Variants in TATDN2 observed in about 807,000 individuals in gnomAD.
TATDN2 encodes TatD DNase domain containing 2.
Under a neutral mutation model 60.3 loss-of-function variants are expected in TATDN2, and 44 were observed. That is an observed-to-expected ratio of 0.73 (90% CI 0.57 to 0.94). TATDN2 has a LOEUF of 0.94. Ranked by LOEUF, TATDN2 falls within the 40% of genes least tolerant of loss-of-function variation. TATDN2 has a pLI of 0.00. For missense variants in TATDN2, 997 were observed against 948.0 expected, an observed-to-expected ratio of 1.05 and a Z score of -0.68; for synonymous variants, 399 against 355.8, an observed-to-expected ratio of 1.12 and a Z score of -1.37.
chr3:10,265,405 G>T (rs1698463261), intron 3 of TATDN2, among the ~76,000 whole-genome samples: 2 of 145,758 alleles, frequency 1.4e-5, no homozygotes, highest in African/African-American at 5.0e-5. Context: ...AATTTTAGCT[G>T]GGCGTGGGGC....
In TATDN2 at chr3:10,260,117, T is replaced by C. The variant is rs199732411; in HGVS notation, c.415-20T>C. ...AGTGCCCTTGGAACAGCCCTTTCAATTCTGTTTTTTTTTTCCCAGGTTGAT... is the reference window on the plus strand; with the variant it reads ...AGTGCCCTTGGAACAGCCCTTTCAACTCTGTTTTTTTTTTCCCAGGTTGAT... On this transcript the variant is annotated intron_variant, in intron 2 of 7. Transcript: ENST00000448281. The C allele has an allele frequency of 6.3e-7, 1 of 1,591,450 alleles. No individual in the cohort carries two copies. The highest frequency in any genetic ancestry group is 2.2e-5 in the East Asian group (1 of 44,768).
chr3:10,269,920 A>T (rs541436252), intron 3 of TATDN2, among the ~76,000 whole-genome samples: 1 of 152,136 alleles, frequency 6.6e-6, no homozygotes, highest in South Asian at 2.1e-4. Flanking sequence ...CCTGAACCCA[A>T]TACAGCTGTT....
intron 4 of TATDN2, 47 bp downstream of exon 4, chr3:10,271,062 AGTT>A (rs759034617): frequency 1.3e-6 from 2 of 1,500,020 alleles, no homozygotes; most frequent in Non-Finnish European, 1.8e-6. Flanking sequence ...TTTTTCTTTT[AGTT>A]GTTGAAGCCT....
At chr3:10,260,769 GTACTT>G (rs1698390518) in intron 3 of TATDN2, 99 bp downstream of exon 3, 11 of 1,397,134 alleles carry the variant, frequency 7.9e-6, no homozygotes, top group East Asian at 4.6e-5. Context: ...ATTAAAAATA[GTACTT>G]TACTTAACCA....
rs780918628 is a variant in TATDN2 at position 10,249,252 on chromosome 3, G to A, written c.52G>A (p.Gly18Arg). The change falls in exon 2 of 8, where the codon GGG (glycine) becomes AGG (arginine). Residue 18 changes from glycine to arginine, a missense_variant. By Grantham distance (125) the Gly-to-Arg change is moderately radical (BLOSUM62 -2). Transcript: ENST00000448281. ...GCACAACTGGAGCAGCACGTCGGAA[G>A]GGTGTCCCCGCAAGCGCAGCTGCCT... ...VKHNWSSTSEGCPRKRSCLRE... is the reference protein window; with the variant it reads ...VKHNWSSTSERCPRKRSCLRE... The A allele has an allele frequency of 7.0e-6, 11 of 1,567,216 alleles. No homozygotes were observed. In the East Asian group the frequency reaches 2.0e-4, roughly 29 times the overall value.
intron 3 of TATDN2, among the ~76,000 whole-genome samples, chr3:10,263,142 G>A (rs867399809): frequency 1.4e-4 from 21 of 151,298 alleles, no homozygotes; most frequent in Middle Eastern, 3.5e-3. Flanking sequence ...CTCATGATCC[G>A]CCCGGCTCAG....
At chr3:10,250,695 T>C (rs906490326) in intron 2 of TATDN2, among the ~76,000 whole-genome samples, 5 of 152,224 alleles carry the variant, frequency 3.3e-5, no homozygotes, top group East Asian at 3.8e-4. Flanking sequence ...GTCTGAACTC[T>C]TGTGTGGGCA....
chr3:10,257,074 C>T (rs1174748748), intron 2 of TATDN2, among the ~76,000 whole-genome samples: 2 of 151,192 alleles, frequency 1.3e-5, no homozygotes, highest in Non-Finnish European at 2.9e-5. Flanking sequence ...GCGGGCAGAT[C>T]ACTTGAGGTT....
rs1349582735 is a variant in TATDN2, at chr3:10,279,751, T to G, written c.*569T>G. ...AACTCTTCAGTTTGACTGTCACTGT[T>G]CTGGTGTCAACTCCAGCGTCGGCAC... On this transcript the variant is annotated 3_prime_UTR_variant, in exon 8 of 8. Transcript: ENST00000448281. 1 of 152,522 alleles carries G rather than the reference T, an allele frequency of 6.6e-6. No homozygotes were observed. Among genetic ancestry groups the G allele is most frequent in the African/African-American group, 2.4e-5 (1 of 41,456 alleles). The allele number at this position is 152,522 out of a possible 1,614,324, so 9.4% of individuals were successfully genotyped here.
intron 3 of TATDN2, among the ~76,000 whole-genome samples, chr3:10,267,392 T>C (rs1033103668): frequency 2.6e-5 from 4 of 152,208 alleles, no homozygotes; most frequent in African/African-American, 9.7e-5. Flanking sequence ...ACATGTGCAT[T>C]TTTGAAACTG....
At chr3:10,261,782 C>T (rs1245958296) in intron 3 of TATDN2, among the ~76,000 whole-genome samples, 6 of 152,216 alleles carry the variant, frequency 3.9e-5, no homozygotes, top group Non-Finnish European at 7.3e-5. Flanking sequence ...ATAATCTTTA[C>T]TGTTGATCAG....
rs1284488438 is a variant in TATDN2 at position 10,260,744 on chromosome 3, TC to T, written c.948+76del. On this transcript the variant is annotated intron_variant, in intron 3 of 7. Transcript: ENST00000448281. ...AATGTGTTCCATCTTTCTAGTTTGATCCTAAGTGTTACTAATTAAAAATAGT... is the reference window on the plus strand; with the variant it reads ...AATGTGTTCCATCTTTCTAGTTTGATCTAAGTGTTACTAATTAAAAATAGT... 3 of 1,505,042 alleles carry T rather than the reference TC, an allele frequency of 2.0e-6. No individual in the cohort carries two copies. In the African/African-American group the frequency reaches 4.2e-5, roughly 21 times the overall value. 93.2% of individuals were successfully genotyped at this position (1,505,042 alleles called of 1,614,324 possible).
At chr3:10,257,143 G>A (rs1411500404) in intron 2 of TATDN2, among the ~76,000 whole-genome samples, 2 of 151,024 alleles carry the variant, frequency 1.3e-5, no homozygotes, top group East Asian at 4.0e-4. Context: ...TTAGCCAGGT[G>A]TGGTGGCAGA....
In TATDN2 at chr3:10,278,878, C is replaced by T; in HGVS notation, c.2146-7C>T. On this transcript the variant is annotated splice_region_variant and splice_polypyrimidine_tract_variant and intron_variant, in intron 6 of 7. Transcript: ENST00000448281. The surrounding 1 kb of genome is among the most constrained non-coding windows in gnomAD (Gnocchi z 4.7). ...CAATGATGTTATGACCACTTGATGT[C>T]TTCCAGGTTCCCAAAAGCCTTTGCC... 1 of 1,614,054 alleles carries T rather than the reference C, an allele frequency of 6.2e-7. No homozygotes were observed. Among genetic ancestry groups the T allele is most frequent in the Non-Finnish European group, 8.5e-7 (1 of 1,179,972 alleles).
At chr3:10,272,821 G>A (rs1698585675) in intron 4 of TATDN2, among the ~76,000 whole-genome samples, 1 of 151,864 alleles carries the variant, frequency 6.6e-6, no homozygotes, top group Non-Finnish European at 1.5e-5. Context: ...GATCACCTGA[G>A]GCCAGGAGTT....
At chr3:10,273,910 A>T (rs752773053) in intron 4 of TATDN2, among the ~76,000 whole-genome samples, 14 of 152,142 alleles carry the variant, frequency 9.2e-5, no homozygotes, top group Admixed American at 2.6e-4. Context: ...TGCCAGGGAG[A>T]GTAGACTGTC....
rs760157265 is a variant in TATDN2 at position 10,249,181 on chromosome 3, C to G, written c.-6-14C>G. 23 of 1,508,672 alleles carry G rather than the reference C, an allele frequency of 1.5e-5. No homozygotes were observed. Among genetic ancestry groups the G allele is most frequent in the Admixed American group, 2.3e-5 (1 of 43,950 alleles). The allele number at this position is 1,508,672 out of a possible 1,614,324, so 93.5% of individuals were successfully genotyped here. A position where few individuals can be genotyped will look rare whatever the true frequency, so the allele number is the denominator to read the frequency against. ...AAGGGTGGTGTTGGAATCCAGGCCCCCTGTACCTTGCAGGTGCCCATGGCG... is the reference window on the plus strand; with the variant it reads ...AAGGGTGGTGTTGGAATCCAGGCCCGCTGTACCTTGCAGGTGCCCATGGCG... On this transcript the variant is annotated splice_polypyrimidine_tract_variant and intron_variant, in intron 1 of 7. Coordinates refer to ENST00000448281, the MANE Select transcript of TATDN2 (RefSeq NM_014760.4).
At position 10,278,191 on chromosome 3, in the gene TATDN2, C is replaced by G. The variant is rs1698665685; in HGVS notation, c.1962-88C>G. The G allele has an allele frequency of 1.4e-6, 2 of 1,413,570 alleles. No individual in the cohort carries two copies. Among genetic ancestry groups the G allele is most frequent in the Admixed American group, 2.1e-5 (1 of 48,336 alleles). The allele number at this position is 1,413,570 out of a possible 1,614,324, so 87.6% of individuals were successfully genotyped here. On this transcript the variant is annotated intron_variant, in intron 5 of 7. Transcript: ENST00000448281. The surrounding 1 kb of genome is among the most constrained non-coding windows in gnomAD (Gnocchi z 4.7). ...ATGCAGTCTTTCCATTTCTGGGAAT[C>G]ATTGAAAAGGGGTGATGGGTGTGGG...
At chr3:10,275,437 C>T (rs1011587752) in intron 4 of TATDN2, among the ~76,000 whole-genome samples, 14 of 152,066 alleles carry the variant, frequency 9.2e-5, no homozygotes, top group Admixed American at 3.3e-4. Flanking sequence ...CGAGGATACG[C>T]GATTTTGATT....
Sources: allele counts gnomAD v4.1 joint callset (sites outside exome capture counted in the v4.1 genomes callset), GRCh38; gene constraint gnomAD v4.1.1; non-coding constraint Gnocchi (gnomAD v3.1); transcripts MANE v1.5; gene names NCBI Gene and HGNC (gene_info 2026-07-23, HGNC 2026-07-21).